RNF121: variants seen among roughly 807,000 people sequenced by gnomAD.
The protein encoded by RNF121 is ring finger protein 121.
RNF121 carries 21 observed loss-of-function variants against 46.5 expected under a neutral mutation model. That is an observed-to-expected ratio of 0.45 (90% CI 0.32 to 0.65). The LOEUF is 0.65. RNF121 is among the 30% of genes least tolerant of loss of function. The probability of loss-of-function intolerance (pLI) is 0.04; values close to 1 mark genes in which losing one functional copy is unlikely to be tolerated. For synonymous variants in RNF121, 139 were observed against 144.7 expected (o/e 0.96, Z 0.28); for missense variants, 346 against 416.0 (o/e 0.83, Z 1.46).
chr11:71,938,152 C>G (rs751178048), intron 1 of RNF121, among the ~76,000 whole-genome samples: 3 of 152,144 alleles, frequency 2.0e-5, no homozygotes, highest in Non-Finnish European at 4.4e-5. Flanking sequence ...CAACATTTTA[C>G]TCCCTGTTGC....
At chr11:71,986,629 T>TGTG (rs1954776142) in intron 4 of RNF121, among the ~76,000 whole-genome samples, 1 of 150,518 alleles carries the variant, frequency 6.6e-6, no homozygotes, top group African/African-American at 2.4e-5. Flanking sequence ...ATTAGCCGGG[T>TGTG]GTGGTGGTGG....
intron 6 of RNF121, among the ~76,000 whole-genome samples, chr11:71,991,561 T>C (rs1353020027): frequency 6.6e-6 from 1 of 152,194 alleles, no homozygotes; most frequent in Non-Finnish European, 1.5e-5. Flanking sequence ...AGTAGTGTCA[T>C]TTGACCTAGT....
chr11:71,933,855 A>G (rs1953334326), intron 1 of RNF121, among the ~76,000 whole-genome samples: 1 of 152,230 alleles, frequency 6.6e-6, no homozygotes, highest in Non-Finnish European at 1.5e-5. Context: ...TATGATAGCT[A>G]CCATTTACTG....
At chr11:71,941,265 G>A (rs116945033) in intron 1 of RNF121, among the ~76,000 whole-genome samples, 1,836 of 152,318 alleles carry the variant, frequency 0.012, 44 homozygotes, top group Non-Finnish European at 0.012. Context: ...AGACAGTAGG[G>A]TAGAGAGAAG....
intron 5 of RNF121, among the ~76,000 whole-genome samples, chr11:71,989,623 T>G (rs1420218113): frequency 6.6e-6 from 1 of 152,142 alleles, no homozygotes; most frequent in Non-Finnish European, 1.5e-5. Context: ...GTACAAATAT[T>G]TTAACAGATA....
chr11:71,950,909 A>G (rs1211773897), intron 1 of RNF121, among the ~76,000 whole-genome samples: 1 of 152,180 alleles, frequency 6.6e-6, no homozygotes, highest in African/African-American at 2.4e-5. Flanking sequence ...TATTTGAATT[A>G]TTATAGCATT....
intron 1 of RNF121, among the ~76,000 whole-genome samples, chr11:71,936,717 T>G (rs1468268124): frequency 6.6e-6 from 1 of 152,208 alleles, no homozygotes; most frequent in Admixed American, 6.5e-5. Context: ...TTTTTTATTA[T>G]GACTTAATAA....
chr11:71,939,729 A>G (rs944938948), intron 1 of RNF121, among the ~76,000 whole-genome samples: 2 of 152,218 alleles, frequency 1.3e-5, no homozygotes, highest in African/African-American at 4.8e-5. Context: ...GTTATAGTGT[A>G]CACTATTGCT....
At chr11:71,953,622 C>A (rs1214424047) in intron 1 of RNF121, among the ~76,000 whole-genome samples, 1 of 152,162 alleles carries the variant, frequency 6.6e-6, no homozygotes, top group Non-Finnish European at 1.5e-5. Flanking sequence ...GTAGACCACA[C>A]TTAGCAAGGC....
At chr11:71,934,052 C>T (rs1953341316) in intron 1 of RNF121, among the ~76,000 whole-genome samples, 1 of 152,156 alleles carries the variant, frequency 6.6e-6, no homozygotes. Flanking sequence ...CCTAGAATAC[C>T]TTTCTTTTCC....
intron 6 of RNF121, among the ~76,000 whole-genome samples, chr11:71,994,375 TGCCTGACACA>T (rs1954929842): frequency 6.6e-6 from 1 of 152,166 alleles, no homozygotes; most frequent in South Asian, 2.1e-4. Context: ...CAGAATGGCT[TGCCTGACACA>T]GCTTTTGATC....
intron 1 of RNF121, among the ~76,000 whole-genome samples, chr11:71,948,541 C>T (rs1953782202): frequency 9.0e-6 from 1 of 111,392 alleles, no homozygotes; most frequent in African/African-American, 3.2e-5. Flanking sequence ...AAAAAAAAAG[C>T]TTATCAACTC....
At chr11:71,946,538 A>AT (rs1590776447) in intron 1 of RNF121, among the ~76,000 whole-genome samples, 1 of 152,136 alleles carries the variant, frequency 6.6e-6, no homozygotes, top group African/African-American at 2.4e-5. Flanking sequence ...TGCTGAATGA[A>AT]TTCATTTGTA....
chr11:71,990,891 C>A, intron 6 of RNF121, 174 bp downstream of exon 6: 1 of 774,368 alleles, frequency 1.3e-6, no homozygotes, highest in Non-Finnish European at 2.0e-6. Context: ...GCAACACAGC[C>A]ATAAAAAAAG....
intron 3 of RNF121, among the ~76,000 whole-genome samples, chr11:71,979,834 A>G (rs1189061457): frequency 1.3e-5 from 2 of 152,188 alleles, no homozygotes; most frequent in Non-Finnish European, 2.9e-5. Flanking sequence ...TTTTTTTCTC[A>G]GAGAGAACAA....
At chr11:71,943,002 C>T (rs1157851333) in intron 1 of RNF121, among the ~76,000 whole-genome samples, 1 of 151,976 alleles carries the variant, frequency 6.6e-6, no homozygotes, top group East Asian at 1.9e-4. Flanking sequence ...GGCACTAATC[C>T]CATTCATGAG....
intron 3 of RNF121, among the ~76,000 whole-genome samples, chr11:71,961,227 T>C (rs1011811600): frequency 6.6e-6 from 1 of 152,198 alleles, no homozygotes; most frequent in Non-Finnish European, 1.5e-5. Flanking sequence ...ACTAAGCATC[T>C]CATGAATCTT....
chr11:71,972,963 G>A lies in RNF121; in HGVS notation c.244-9798G>A, dbSNP rs566117478. 1.6e-4 allele frequency among the ~76,000 whole-genome samples: 24 copies of A among 152,246 alleles called. 1 individual carries two copies. In the Middle Eastern group the frequency reaches 0.014, roughly 86 times the overall value. ...GCACTTTGGGAGGCCGAGGCAGGCG[G>A]ATCACGTGAGGTCAGGAGTTGGAGA... On this transcript the variant is annotated intron_variant, in intron 3 of 8. Transcript: ENST00000361756.
At position 71,966,872 on chromosome 11, in the gene RNF121, T is replaced by G. The variant is rs1398981752; in HGVS notation, c.243+5981T>G. 3.1e-3 allele frequency among the ~76,000 whole-genome samples: 12 copies of G among 3,914 alleles called. No individual in the cohort carries two copies. The Non-Finnish European group carries it at 0.062, about 20-fold the overall frequency. 2.6% of individuals were successfully genotyped at this position (3,914 alleles called of 152,430 possible). A position where few individuals can be genotyped will look rare whatever the true frequency, so the allele number is the denominator to read the frequency against. ...AATATAATATTTGTGGGTTTTTTGT[T>G]TTTTTTTTTTGAGACGGAATCTCAC... On this transcript the variant is annotated intron_variant, in intron 3 of 8. Transcript: ENST00000361756.
Sources: allele counts gnomAD v4.1 joint callset (sites outside exome capture counted in the v4.1 genomes callset), GRCh38; gene constraint gnomAD v4.1.1; transcripts MANE v1.5; gene names NCBI Gene and HGNC (gene_info 2026-07-23, HGNC 2026-07-21).